PLPP1: variants seen among roughly 807,000 people sequenced by gnomAD.
PLPP1 encodes lipid phosphate phosphohydrolase 1a.
Under a neutral mutation model 31.2 loss-of-function variants are expected in PLPP1, and 24 were observed. The observed-to-expected ratio is 0.77, with a 90% CI of 0.56 to 1.08. PLPP1 has a LOEUF of 1.08. PLPP1 is among the 50% of genes least tolerant of loss of function. The probability of loss-of-function intolerance (pLI) is 0.00; values close to 1 mark genes in which losing one functional copy is unlikely to be tolerated. For missense variants in PLPP1, 319 were observed against 342.7 expected (o/e 0.93, Z 0.55); for synonymous variants, 146 against 126.3 (o/e 1.16, Z -1.05).
At chr5:55,511,506 G>A (rs1197494030) in intron 1 of PLPP1, among the ~76,000 whole-genome samples, 1 of 151,376 alleles carries the variant, frequency 6.6e-6, no homozygotes, top group East Asian at 1.9e-4. Flanking sequence ...AAAAAATGTG[G>A]GTATATGGAC....
At chr5:55,533,578 TC>T in intron 1 of PLPP1, among the ~76,000 whole-genome samples, 1 of 152,246 alleles carries the variant, frequency 6.6e-6, no homozygotes, top group Admixed American at 6.5e-5. Flanking sequence ...TACGCAGACT[TC>T]CATCCAGGTG....
intron 1 of PLPP1, among the ~76,000 whole-genome samples, chr5:55,524,205 A>AG (rs1753732796): frequency 6.6e-6 from 1 of 152,230 alleles, no homozygotes; most frequent in Non-Finnish European, 1.5e-5. Context: ...GGAGTACACT[A>AG]GAAGAATTGT....
chr5:55,513,973 C>T (rs1753499349), intron 1 of PLPP1, among the ~76,000 whole-genome samples: 2 of 152,126 alleles, frequency 1.3e-5, no homozygotes, highest in South Asian at 4.1e-4. Context: ...CTTTAGCAAT[C>T]AAACTTACGG....
At chr5:55,431,426 A>T (rs1751344751) in intron 4 of PLPP1, among the ~76,000 whole-genome samples, 1 of 152,234 alleles carries the variant, frequency 6.6e-6, no homozygotes, top group Non-Finnish European at 1.5e-5. Context: ...CCACCAGCCA[A>T]ACTATTCTCA....
At chr5:55,447,597 C>G (rs571230374) in intron 3 of PLPP1, among the ~76,000 whole-genome samples, 1 of 152,132 alleles carries the variant, frequency 6.6e-6, no homozygotes, top group South Asian at 2.1e-4. Context: ...GTCTCTGCAG[C>G]TCAAATCTGA....
At chr5:55,444,513 T>C (rs1751706429) in intron 3 of PLPP1, among the ~76,000 whole-genome samples, 2 of 152,176 alleles carry the variant, frequency 1.3e-5, no homozygotes, top group Admixed American at 1.3e-4. Context: ...TCTCACTTCA[T>C]TATAGCCTCT....
At chr5:55,491,008 G>A in intron 1 of PLPP1, 1 of 1,613,316 alleles carries the variant, frequency 6.2e-7, no homozygotes. Context: ...CAGTGGATGT[G>A]ACGGTACTGT....
Position 55,424,968 on chromosome 5 carries a change from T to C in PLPP1, c.*238A>G, listed in dbSNP as rs1751131243. 2 of 646,892 alleles carry C rather than the reference T, an allele frequency of 3.1e-6. No homozygotes were observed. The highest frequency in any genetic ancestry group is 1.8e-5 in the African/African-American group (1 of 54,816). 40.1% of individuals were successfully genotyped at this position (646,892 alleles called of 1,614,324 possible). On this transcript the variant is annotated 3_prime_UTR_variant, in exon 6 of 6. Coordinates refer to ENST00000307259, the MANE Select transcript of PLPP1 (RefSeq NM_003711.4). ...ATTACATTTTTTTAATAAAAATGTA[T>C]ACAGGTGGGGCACTGTTTTGGTGGA... is the stretch of plus-strand genomic sequence containing the variant.
chr5:55,465,191 G>A (rs1752261547), intron 3 of PLPP1, among the ~76,000 whole-genome samples: 1 of 151,788 alleles, frequency 6.6e-6, no homozygotes, highest in Admixed American at 6.6e-5. Flanking sequence ...TTACAGGTGT[G>A]CGGCCACCAT....
At chr5:55,467,543 T>A (rs1561234351) in intron 3 of PLPP1, among the ~76,000 whole-genome samples, 1 of 147,158 alleles carries the variant, frequency 6.8e-6, no homozygotes, top group African/African-American at 2.5e-5. Flanking sequence ...TATAAAAATG[T>A]AAAAAAAATT....
At chr5:55,476,345 C>T (rs1261769246) in intron 1 of PLPP1, among the ~76,000 whole-genome samples, 1 of 151,872 alleles carries the variant, frequency 6.6e-6, no homozygotes, top group African/African-American at 2.4e-5. Flanking sequence ...GAAAAGATGA[C>T]AATGGAGTCA....
intron 3 of PLPP1, among the ~76,000 whole-genome samples, chr5:55,464,138 C>T (rs1039048456): frequency 2.6e-5 from 4 of 151,546 alleles, no homozygotes; most frequent in African/African-American, 9.7e-5. Context: ...TAAATACACA[C>T]ATGCTATATA....
intron 1 of PLPP1, among the ~76,000 whole-genome samples, chr5:55,524,789 G>A (rs1391377551): frequency 1.3e-5 from 2 of 152,082 alleles, no homozygotes; most frequent in East Asian, 1.9e-4. Flanking sequence ...CAGCCTGGGC[G>A]ACAAGAGTGA....
chr5:55,433,284 T>A (rs1751406541), intron 4 of PLPP1, among the ~76,000 whole-genome samples: 1 of 150,066 alleles, frequency 6.7e-6, no homozygotes, highest in South Asian at 2.1e-4. Context: ...TGAGATCGTG[T>A]CACTGCACTC....
intron 1 of PLPP1, among the ~76,000 whole-genome samples, chr5:55,481,115 A>G (rs71622180): frequency 2.0e-5 from 3 of 152,216 alleles, no homozygotes; most frequent in Non-Finnish European, 4.4e-5. Flanking sequence ...ACAGGAAAGG[A>G]CAACATAAGA....
At position 55,437,467 on chromosome 5, in the gene PLPP1, T is replaced by TTTG. The variant is rs1419573390; in HGVS notation, c.549+4383_549+4384insCAA. ...TTTAAGGAGTTTTTTTTGTTTGTTT[T>TTTG]TTCAAAAAAGAATATGTGACCTACA... On this transcript the variant is annotated intron_variant, in intron 4 of 5. Transcript: ENST00000307259. Among the ~76,000 whole-genome samples, 126 of 107,002 alleles carry TTTG rather than the reference T, an allele frequency of 1.2e-3. 1 individual carries two copies. In the Admixed American group the frequency reaches 0.012, roughly 10 times the overall value. The allele number at this position is 107,002 out of a possible 152,430, so 70.2% of individuals were successfully genotyped here. A position where few individuals can be genotyped will look rare whatever the true frequency, so the allele number is the denominator to read the frequency against.
Position 55,468,052 on chromosome 5 carries a change from C to T in PLPP1, c.308G>A (p.Gly103Glu). The change falls in exon 3 of 6, where the codon GGA (glycine) becomes GAA (glutamate). Residue 103 changes from glycine to glutamate, a missense_variant. By Grantham distance (98) the Gly-to-Glu change is moderately conservative. Transcript: ENST00000307259. ...NYIATIYKAI[G>E]TFLFGAAASQ... ...AGCAGCTGCACCAAATAAAAAGGTT[C>T]CAATGGCTTTGTAAATAGTGGCTAT... 1 of 1,614,070 alleles carries T rather than the reference C, an allele frequency of 6.2e-7. No homozygotes were observed. Among genetic ancestry groups the T allele is most frequent in the South Asian group, 1.1e-5 (1 of 91,082 alleles).
At chr5:55,460,089 T>C (rs982338243) in intron 3 of PLPP1, among the ~76,000 whole-genome samples, 13 of 152,202 alleles carry the variant, frequency 8.5e-5, no homozygotes, top group Non-Finnish European at 1.3e-4. Context: ...AGGCTATTTG[T>C]AGTTAAGTTA....
chr5:55,437,397 A>C (rs1336627685), intron 4 of PLPP1, among the ~76,000 whole-genome samples: 1 of 150,990 alleles, frequency 6.6e-6, no homozygotes, highest in South Asian at 2.1e-4. Flanking sequence ...TTTTTTTTCC[A>C]TTTTAAACTA....
Sources: gnomAD v4.1 joint callset for allele counts (sites outside exome capture counted in the v4.1 genomes callset) on GRCh38, gnomAD v4.1.1 for gene constraint, MANE v1.5 for transcripts, NCBI Gene and HGNC (gene_info 2026-07-23, HGNC 2026-07-21) for gene names.